Variants in EYA2 observed in about 807,000 individuals in gnomAD.
The protein encoded by EYA2 is EYA transcriptional coactivator and phosphatase 2, also known as protein phosphatase EYA2.
A neutral mutation model predicts 69.2 loss-of-function variants in EYA2; 31 were observed. The observed-to-expected ratio is 0.45, with a 90% CI of 0.34 to 0.60. The LOEUF (loss-of-function observed/expected upper bound fraction) is 0.60, where lower values mean the gene tolerates loss of function less well. EYA2 is among the 20% of genes least tolerant of loss of function. The probability of loss-of-function intolerance (pLI) is 0.02; values close to 1 mark genes in which losing one functional copy is unlikely to be tolerated. For synonymous variants in EYA2, 257 were observed against 279.4 expected, an observed-to-expected ratio of 0.92 and a Z score of 0.80; for missense variants, 622 against 701.2, an observed-to-expected ratio of 0.89 and a Z score of 1.28.
At chr20:47,067,549 CAT>C (rs1297327767) in intron 5 of EYA2, among the ~76,000 whole-genome samples, 7 of 152,178 alleles carry the variant, frequency 4.6e-5, no homozygotes, top group Non-Finnish European at 8.8e-5. Flanking sequence ...CAAAATAGCT[CAT>C]GTCACCCATA....
At chr20:47,159,236 G>C (rs2034016730) in intron 10 of EYA2, among the ~76,000 whole-genome samples, 1 of 151,984 alleles carries the variant, frequency 6.6e-6, no homozygotes, top group Non-Finnish European at 1.5e-5. Context: ...CATCAACAGT[G>C]ATTAGTCATG....
At chr20:46,945,171 G>A (rs1017012329) in intron 1 of EYA2, among the ~76,000 whole-genome samples, 1 of 152,080 alleles carries the variant, frequency 6.6e-6, no homozygotes, top group African/African-American at 2.4e-5. Flanking sequence ...TATTTGGGTA[G>A]CCTTAGCCTC....
intron 1 of EYA2, among the ~76,000 whole-genome samples, chr20:46,986,388 G>GATATATAATATATCTATATAATATCTAT (rs1981196774): frequency 1.5e-5 from 1 of 66,040 alleles, no homozygotes; most frequent in Non-Finnish European, 3.2e-5. Flanking sequence ...ATTATATATC[G>GATATATAATATATCTATATAATATCTAT]ATATATAATA....
intron 15 of EYA2, among the ~76,000 whole-genome samples, chr20:47,186,348 C>CTTTT (rs765874138): frequency 1.2e-4 from 9 of 72,318 alleles, no homozygotes; most frequent in South Asian, 4.7e-4. Context: ...AGCACTTATT[C>CTTTT]TTTTTTTTTT....
At chr20:47,094,341 C>T (rs965194835) in intron 8 of EYA2, among the ~76,000 whole-genome samples, 17 of 152,330 alleles carry the variant, frequency 1.1e-4, no homozygotes, top group African/African-American at 3.8e-4. Flanking sequence ...TTCTCAAACA[C>T]TGATTTTCAA....
At chr20:46,903,952 C>T (rs1186769351) in intron 1 of EYA2, among the ~76,000 whole-genome samples, 1 of 152,154 alleles carries the variant, frequency 6.6e-6, no homozygotes, top group Non-Finnish European at 1.5e-5. Context: ...GTTCAATGAG[C>T]TAGCTATTGA....
chr20:47,070,245 G>T (rs999485716), intron 5 of EYA2, among the ~76,000 whole-genome samples: 11 of 152,196 alleles, frequency 7.2e-5, no homozygotes, highest in African/African-American at 2.4e-5. Context: ...AAAAAGATTT[G>T]AGTAGATATT....
intron 1 of EYA2, among the ~76,000 whole-genome samples, chr20:46,944,257 G>C (rs1263292278): frequency 1.3e-5 from 2 of 151,108 alleles, no homozygotes; most frequent in African/African-American, 4.9e-5. Context: ...AGATCCCTGT[G>C]GTGATGGGAG....
intron 1 of EYA2, among the ~76,000 whole-genome samples, chr20:46,907,156 G>A (rs1373704686): frequency 2.0e-5 from 3 of 152,158 alleles, no homozygotes; most frequent in Admixed American, 6.5e-5. Flanking sequence ...TTGATTACCT[G>A]TGGAAGAAAA....
intron 1 of EYA2, among the ~76,000 whole-genome samples, chr20:46,966,330 C>T (rs1445239301): frequency 6.6e-6 from 1 of 152,174 alleles, no homozygotes; most frequent in African/African-American, 2.4e-5. Flanking sequence ...CTATTCATCA[C>T]ATATTCTGTG....
rs1377996782 is a variant in EYA2 at position 47,105,207 on chromosome 20, C to T, written c.888+8039C>T. 2.0e-5 allele frequency among the ~76,000 whole-genome samples: 3 copies of T among 152,282 alleles called. No individual in the cohort carries two copies. The East Asian group carries it at 5.8e-4, about 29-fold the overall frequency. On this transcript the variant is annotated intron_variant, in intron 9 of 15. Transcript: ENST00000327619. ...CTTTGTTCTTATGACCAGTCTTGACCTTTATAATTGGCATCTCCATTGGTT... is the reference window on the plus strand; with the variant it reads ...CTTTGTTCTTATGACCAGTCTTGACTTTTATAATTGGCATCTCCATTGGTT...
rs2034574129 is a variant in EYA2 at position 47,183,329 on chromosome 20, G to A, written c.1474G>A (p.Gly492Ser). The change falls in exon 15 of 16, where the codon GGC becomes AGC. Residue 492 changes from glycine to serine, a missense_variant. By Grantham distance (56) the Gly-to-Ser change is moderately conservative (BLOSUM62 0). Around this residue, in one of 2 missense-constraint regions of EYA2, gnomAD observed 257 missense variants for 351.5 expected, o/e 0.73. Transcript: ENST00000327619. Reference protein sequence around the residue: ...SCFERIMQRFGRKAVYVVIGD... With the variant: ...SCFERIMQRFSRKAVYVVIGD... Reference sequence around the variant, plus strand: ...CTTCGAGAGGATAATGCAGAGATTCGGCAGAAAAGCTGTCTACGTGGTGAT... The same window carrying A: ...CTTCGAGAGGATAATGCAGAGATTCAGCAGAAAAGCTGTCTACGTGGTGAT... 5 of 1,614,118 alleles carry A rather than the reference G, an allele frequency of 3.1e-6. No individual in the cohort carries two copies. The highest frequency in any genetic ancestry group is 4.2e-6 in the Non-Finnish European group (5 of 1,180,020).
intron 2 of EYA2, among the ~76,000 whole-genome samples, chr20:46,993,682 G>A (rs952201475): frequency 1.3e-5 from 2 of 152,216 alleles, no homozygotes; most frequent in African/African-American, 2.4e-5. Flanking sequence ...TGACAATGAC[G>A]ATAAAGAAGC....
chr20:46,996,197 A>G (rs752455776), intron 2 of EYA2, among the ~76,000 whole-genome samples: 26 of 152,206 alleles, frequency 1.7e-4, no homozygotes, highest in Admixed American at 1.6e-3. Context: ...ACACAATTGC[A>G]CATAAGTATG....
intron 1 of EYA2, among the ~76,000 whole-genome samples, chr20:46,902,325 T>C (rs1242900679): frequency 6.6e-6 from 1 of 152,256 alleles, no homozygotes; most frequent in African/African-American, 2.4e-5. Flanking sequence ...ACAGGTTTTA[T>C]TGAACACTTA....
At chr20:47,014,750 G>GTATA (rs1983308076) in intron 4 of EYA2, among the ~76,000 whole-genome samples, 1 of 151,232 alleles carries the variant, frequency 6.6e-6, no homozygotes, top group Non-Finnish European at 1.5e-5. Flanking sequence ...TTTTCTGCAT[G>GTATA]TATATATGTG....
At chr20:46,958,874 C>T (rs536226585) in intron 1 of EYA2, among the ~76,000 whole-genome samples, 44 of 152,314 alleles carry the variant, frequency 2.9e-4, no homozygotes, top group African/African-American at 1.0e-3. Context: ...GACGTGATCT[C>T]GTTCTTTATT....
At chr20:46,960,212 C>T (rs149296500) in intron 1 of EYA2, among the ~76,000 whole-genome samples, 10 of 152,280 alleles carry the variant, frequency 6.6e-5, no homozygotes, top group Non-Finnish European at 1.0e-4. Flanking sequence ...ACTCATTTCA[C>T]GCCACTGCAA....
At chr20:47,020,793 A>C (rs1478748606) in intron 5 of EYA2, among the ~76,000 whole-genome samples, 1 of 152,078 alleles carries the variant, frequency 6.6e-6, no homozygotes, top group Non-Finnish European at 1.5e-5. Context: ...TGACAACATG[A>C]GGCTTTGGGA....
Sources: allele counts gnomAD v4.1 joint callset (sites outside exome capture counted in the v4.1 genomes callset), GRCh38; gene constraint gnomAD v4.1.1; regional missense constraint gnomAD v4.1.1; transcripts MANE v1.5; gene names NCBI Gene and HGNC (gene_info 2026-07-23, HGNC 2026-07-21).